Variants in ELAPOR2 observed in about 807,000 individuals in gnomAD.
ELAPOR2 encodes endosome/lysosome-associated apoptosis and autophagy regulator family member 2.
In ELAPOR2, 89 loss-of-function variants were observed where a neutral mutation model predicts 120.7. The ratio of observed to expected loss-of-function variants is 0.74; its 90% CI spans 0.62 to 0.88. The LOEUF (loss-of-function observed/expected upper bound fraction) is 0.88, where lower values mean the gene tolerates loss of function less well. Ranked by LOEUF, ELAPOR2 falls within the 40% of genes least tolerant of loss-of-function variation. The pLI, the probability that ELAPOR2 is intolerant of heterozygous loss-of-function variation, is 0.00. For synonymous variants in ELAPOR2, 444 were observed against 444.9 expected (o/e 1.00, Z 0.03); for missense variants, 1,134 against 1,251.6 (o/e 0.91, Z 1.42).
Position 86,979,073 on chromosome 7 carries a change from T to C in ELAPOR2, c.190-14049A>G, listed in dbSNP as rs1232094296. On this transcript the variant is annotated intron_variant, in intron 1 of 21. Coordinates refer to ENST00000450689, the MANE Select transcript of ELAPOR2 (RefSeq NM_001142749.3). ...GGCCAACTATGCACTCATTTTGTTA[T>C]CACTTCAGTTACCTGTATCACAAGA... 2.0e-5 allele frequency among the ~76,000 whole-genome samples: 3 copies of C among 152,206 alleles called. No homozygotes were observed. In the East Asian group the frequency reaches 5.8e-4, roughly 29 times the overall value.
intron 21 of ELAPOR2, among the ~76,000 whole-genome samples, chr7:86,890,802 G>A (rs760665873): frequency 2.1e-4 from 32 of 152,000 alleles, no homozygotes; most frequent in Non-Finnish European, 4.4e-4. Context: ...AGAAGGGAAA[G>A]ACGGTTTATT....
chr7:86,906,224 T>C (rs981223599), intron 18 of ELAPOR2, among the ~76,000 whole-genome samples: 1 of 152,136 alleles, frequency 6.6e-6, no homozygotes, highest in African/African-American at 2.4e-5. Flanking sequence ...AGACACACTC[T>C]TTTATTGCTA....
In ELAPOR2 at chr7:87,031,668, C is replaced by T. The variant is rs146328794; in HGVS notation, c.189+27657G>A. On this transcript the variant is annotated intron_variant, in intron 1 of 21. Transcript: ENST00000450689. ...TTACACTTACATGTTTAGACTGCTG[C>T]GGCTAAATTTTATAAAGAACTTACT... Among the ~76,000 whole-genome samples, 437 of 152,128 alleles carry T rather than the reference C, an allele frequency of 2.9e-3. 1 individual carries two copies. Among genetic ancestry groups the T allele is most frequent in the African/African-American group, 9.9e-3 (411 of 41,490 alleles).
chr7:86,925,924 T>C (rs1367302544), intron 9 of ELAPOR2, among the ~76,000 whole-genome samples: 1 of 152,046 alleles, frequency 6.6e-6, no homozygotes, highest in East Asian at 1.9e-4. Context: ...AATAATTTTT[T>C]CCTTCACATC....
intron 1 of ELAPOR2, among the ~76,000 whole-genome samples, chr7:86,993,823 C>G (rs1369825731): frequency 6.6e-6 from 1 of 152,164 alleles, no homozygotes; most frequent in East Asian, 1.9e-4. Flanking sequence ...CTAAATGAAT[C>G]ACAAGTTCAT....
At chr7:86,977,124 C>T (rs2116534513) in intron 1 of ELAPOR2, among the ~76,000 whole-genome samples, 1 of 152,144 alleles carries the variant, frequency 6.6e-6, no homozygotes, top group East Asian at 1.9e-4. Flanking sequence ...ATGATAGCTG[C>T]CACTCATTAG....
intron 1 of ELAPOR2, among the ~76,000 whole-genome samples, chr7:87,057,767 T>C (rs932933952): frequency 6.6e-6 from 1 of 152,234 alleles, no homozygotes; most frequent in Non-Finnish European, 1.5e-5. Context: ...ACCAAAGGCA[T>C]CACTTCTATT....
At chr7:86,917,582 C>T (rs1278377180) in intron 12 of ELAPOR2, among the ~76,000 whole-genome samples, 1 of 152,088 alleles carries the variant, frequency 6.6e-6, no homozygotes, top group Non-Finnish European at 1.5e-5. Flanking sequence ...AGGAGGCAGA[C>T]TTGGGAGAAT....
rs772596028 is a variant in ELAPOR2 at position 86,913,112 on chromosome 7, G to A, written c.1824C>T (p.Ala608=). The stretch of plus-strand genomic sequence containing the variant: ...ATGAACCCGACTGTTCAGAACCGAG[G>A]GCACAGGCACGGCATGAGGACGCCA... ...DGVASSCRAC[A]LGSEQSGSSC... The change falls in exon 14 of 22, where the codon GCC becomes GCT. Residue 608 remains alanine (A), a synonymous_variant. Coordinates refer to ENST00000450689, the MANE Select transcript of ELAPOR2 (RefSeq NM_001142749.3). 6.2e-7 allele frequency: 1 copy of A among 1,614,036 alleles called. No homozygotes were observed. The highest frequency in any genetic ancestry group is 1.1e-5 in the South Asian group (1 of 91,068).
intron 1 of ELAPOR2, chr7:86,965,962 T>G: frequency 1.0e-6 from 1 of 985,314 alleles, no homozygotes; most frequent in Non-Finnish European, 1.2e-6. Flanking sequence ...TCTTTGACCT[T>G]CTCTGCATAG....
At chr7:86,984,340 T>A (rs773688342) in intron 1 of ELAPOR2, among the ~76,000 whole-genome samples, 17 of 152,224 alleles carry the variant, frequency 1.1e-4, no homozygotes, top group South Asian at 2.1e-4. Flanking sequence ...GCTGACCTAA[T>A]AGACATCTAC....
In ELAPOR2 at chr7:86,904,600, C is replaced by T. The variant is rs1440535713; in HGVS notation, c.2558+3070G>A. On this transcript the variant is annotated intron_variant, in intron 18 of 21. Transcript: ENST00000450689. ...ACTTTATGGAACTAGAAGCCAACTA[C>T]ATTTGCCAGACCAAATAGACAGCTT... 2.6e-5 allele frequency among the ~76,000 whole-genome samples: 4 copies of T among 152,202 alleles called. No individual in the cohort carries two copies. In the East Asian group the frequency reaches 7.7e-4, roughly 29 times the overall value.
At chr7:86,895,880 G>A (rs1192655193) in intron 19 of ELAPOR2, among the ~76,000 whole-genome samples, 1 of 152,046 alleles carries the variant, frequency 6.6e-6, no homozygotes, top group African/African-American at 2.4e-5. Context: ...TATCAAAATT[G>A]TAGAGTAAAG....
At chr7:86,911,347 TC>T (rs1198367834) in intron 15 of ELAPOR2, among the ~76,000 whole-genome samples, 1 of 152,176 alleles carries the variant, frequency 6.6e-6, no homozygotes, top group Non-Finnish European at 1.5e-5. Flanking sequence ...TCATCAGATC[TC>T]TTTTTGTTTC....
intron 1 of ELAPOR2, among the ~76,000 whole-genome samples, chr7:87,043,535 G>A (rs1794851645): frequency 6.6e-6 from 1 of 150,434 alleles, no homozygotes; most frequent in Non-Finnish European, 1.5e-5. Context: ...AATAGATGCA[G>A]AAAAAGCCTT....
intron 1 of ELAPOR2, among the ~76,000 whole-genome samples, chr7:87,047,113 G>C (rs1794978317): frequency 6.6e-6 from 1 of 152,190 alleles, no homozygotes. Flanking sequence ...AATAAATGAT[G>C]CTGGAAAAAC....
chr7:86,985,185 T>C (rs529594283), intron 1 of ELAPOR2, among the ~76,000 whole-genome samples: 1 of 152,176 alleles, frequency 6.6e-6, no homozygotes, highest in Non-Finnish European at 1.5e-5. Context: ...GGCTCTGAAA[T>C]TGAGGCAATA....
chr7:87,013,883 C>T lies in ELAPOR2; in HGVS notation c.189+45442G>A, dbSNP rs79001314. ...CAGTAATTTCCTAGTTATGTGTGAA[C>T]ATGCACAGTGCAGTGAAATATTGGA... is the stretch of plus-strand genomic sequence containing the variant. On this transcript the variant is annotated intron_variant, in intron 1 of 21. Coordinates refer to ENST00000450689, the MANE Select transcript of ELAPOR2 (RefSeq NM_001142749.3). Among the ~76,000 whole-genome samples the T allele has an allele frequency of 1.9e-3, 290 of 152,214 alleles. 5 individuals are homozygous for T. In the East Asian group the frequency reaches 0.048, roughly 25 times the overall value.
chr7:87,040,633 C>T (rs1331059961), intron 1 of ELAPOR2, among the ~76,000 whole-genome samples: 1 of 152,126 alleles, frequency 6.6e-6, no homozygotes, highest in African/African-American at 2.4e-5. Flanking sequence ...TCATCAAAGA[C>T]CAAAAGTAGA....
Sources: allele counts gnomAD v4.1 joint callset (sites outside exome capture counted in the v4.1 genomes callset), GRCh38; gene constraint gnomAD v4.1.1; transcripts MANE v1.5; gene names NCBI Gene and HGNC (gene_info 2026-07-23, HGNC 2026-07-21).